Variants in SSU72 observed in about 807,000 individuals in gnomAD.
SSU72 encodes the protein RNA polymerase II subunit A C-terminal domain phosphatase SSU72.
In SSU72, 12 loss-of-function variants were observed where a neutral mutation model predicts 22.7. The ratio of observed to expected loss-of-function variants is 0.53; its 90% CI spans 0.34 to 0.86. The LOEUF is 0.86. Among genes scored for constraint, SSU72 ranks in the 40% least tolerant of loss-of-function variants. The probability of loss-of-function intolerance (pLI) is 0.02; values close to 1 mark genes in which losing one functional copy is unlikely to be tolerated. For synonymous variants in SSU72, 116 were observed against 98.3 expected, an observed-to-expected ratio of 1.18 and a Z score of -1.06; for missense variants, 151 against 249.8, an observed-to-expected ratio of 0.60 and a Z score of 2.67.
intron 2 of SSU72, among the ~76,000 whole-genome samples, chr1:1,559,104 C>G (rs538421315): frequency 6.6e-6 from 1 of 152,376 alleles, no homozygotes; most frequent in Admixed American, 6.5e-5. Flanking sequence ...CTGCTCTACT[C>G]CACGTGCCAC....
chr1:1,567,486 T>G lies in SSU72; in HGVS notation c.81-2570A>C, dbSNP rs1008296326. Among the ~76,000 whole-genome samples the G allele has an allele frequency of 5.3e-5, 8 of 152,264 alleles. 1 individual carries two copies. The highest frequency in any genetic ancestry group is 1.9e-4 in the East Asian group (1 of 5,192). ...AATTAAAATTCCTGACATTCAGTCA[T>G]AACCACAGATCCTGACGGAAACATG... On this transcript the variant is annotated intron_variant, in intron 1 of 4. Transcript: ENST00000291386.
chr1:1,547,156 C>T (rs1642400605), intron 2 of SSU72, among the ~76,000 whole-genome samples: 1 of 152,076 alleles, frequency 6.6e-6, no homozygotes, highest in Non-Finnish European at 1.5e-5. Context: ...GGTCCAGTGG[C>T]AGCTTCATGG....
At chr1:1,559,283 T>C (rs1642556341) in intron 2 of SSU72, among the ~76,000 whole-genome samples, 1 of 152,102 alleles carries the variant, frequency 6.6e-6, no homozygotes, top group Admixed American at 6.6e-5. Flanking sequence ...GGCGGACCTG[T>C]AGCACGGGAA....
chr1:1,549,915 G>A (rs1267193768), intron 2 of SSU72, among the ~76,000 whole-genome samples: 1 of 151,120 alleles, frequency 6.6e-6, no homozygotes, highest in African/African-American at 2.4e-5. Flanking sequence ...GGAGGTTGCA[G>A]TGAGCCGAGA....
intron 1 of SSU72, among the ~76,000 whole-genome samples, chr1:1,572,658 C>T (rs750545409): frequency 1.3e-5 from 2 of 150,942 alleles, no homozygotes; most frequent in South Asian, 2.1e-4. Context: ...GGGGTTTCAT[C>T]GTGTTAGCCA....
At chr1:1,567,928 A>AAAAAAAAAAAAAAAC (rs1488346836) in intron 1 of SSU72, among the ~76,000 whole-genome samples, 1 of 151,690 alleles carries the variant, frequency 6.6e-6, no homozygotes, top group African/African-American at 2.4e-5. Flanking sequence ...AAAAAAAAAA[A>AAAAAAAAAAAAAAAC]ATCGCACAAA....
intron 1 of SSU72, among the ~76,000 whole-genome samples, chr1:1,569,491 T>C (rs1345828687): frequency 6.6e-6 from 1 of 152,172 alleles, no homozygotes; most frequent in African/African-American, 2.4e-5. Flanking sequence ...GGTGAAATTG[T>C]TACTGTGTCT....
chr1:1,547,956 C>A (rs1047336780), intron 2 of SSU72, among the ~76,000 whole-genome samples: 2 of 152,202 alleles, frequency 1.3e-5, no homozygotes, highest in African/African-American at 4.8e-5. Context: ...AGAAAGAAAC[C>A]AAAGACTCAG....
intron 1 of SSU72, among the ~76,000 whole-genome samples, chr1:1,572,416 C>T (rs1642742551): frequency 6.7e-6 from 1 of 149,014 alleles, no homozygotes; most frequent in Non-Finnish European, 1.5e-5. Flanking sequence ...CTACAGACTC[C>T]CCCTCAAGAA....
chr1:1,545,785 G>C (rs1407365930), intron 2 of SSU72: 1 of 147,352 alleles, frequency 6.8e-6, no homozygotes. Context: ...AAAAGAAAAA[G>C]AAAAAAAAAC....
At chr1:1,550,115 T>C (rs994492337) in intron 2 of SSU72, among the ~76,000 whole-genome samples, 15 of 148,950 alleles carry the variant, frequency 1.0e-4, no homozygotes, top group South Asian at 8.5e-4. Context: ...GGAGGGGAGA[T>C]TGCCATGAGC....
At chr1:1,569,714 C>A (rs1257993686) in intron 1 of SSU72, among the ~76,000 whole-genome samples, 1 of 152,144 alleles carries the variant, frequency 6.6e-6, no homozygotes, top group African/African-American at 2.4e-5. Flanking sequence ...CTGTGTTGCC[C>A]AGGGCTCAAA....
intron 1 of SSU72, among the ~76,000 whole-genome samples, chr1:1,570,576 C>G (rs993194161): frequency 6.6e-6 from 1 of 151,446 alleles, no homozygotes. Context: ...GGACCCCCCC[C>G]ACCCCAAAAT....
intron 1 of SSU72, among the ~76,000 whole-genome samples, chr1:1,573,479 G>T: frequency 7.0e-6 from 1 of 142,342 alleles, no homozygotes; most frequent in South Asian, 2.2e-4. Context: ...TAAAGAGAAA[G>T]AATCAGCAGA....
At chr1:1,550,764 AG>A (rs930441409) in intron 2 of SSU72, among the ~76,000 whole-genome samples, 1 of 152,198 alleles carries the variant, frequency 6.6e-6, no homozygotes, top group Non-Finnish European at 1.5e-5. Context: ...TGCCGGAGCC[AG>A]GGACCATGGA....
intron 1 of SSU72, among the ~76,000 whole-genome samples, chr1:1,565,723 G>A (rs1340117741): frequency 2.8e-4 from 42 of 152,256 alleles, no homozygotes; most frequent in Admixed American, 1.3e-4. Context: ...TGGGTCCGAC[G>A]GTGCTTGTTC....
At chr1:1,563,600 C>CCAGCA (rs1642622528) in intron 2 of SSU72, 1 of 151,946 alleles carries the variant, frequency 6.6e-6, no homozygotes, top group Non-Finnish European at 1.5e-5. Flanking sequence ...GCCTGTAATC[C>CCAGCA]CAGCACTTTG....
chr1:1,543,807 G>A (rs550901494), intron 4 of SSU72, 62 bp downstream of exon 4: 9 of 1,386,448 alleles, frequency 6.5e-6, no homozygotes, highest in East Asian at 4.6e-5. Flanking sequence ...CCTCTGTCAC[G>A]GCCTCGGTCA....
At chr1:1,573,011 G>A (rs925249801) in intron 1 of SSU72, among the ~76,000 whole-genome samples, 3 of 151,988 alleles carry the variant, frequency 2.0e-5, no homozygotes, top group African/African-American at 7.2e-5. Flanking sequence ...ACCTTTGGCC[G>A]GATGCGGTGG....
Sources: allele counts gnomAD v4.1 joint callset (sites outside exome capture counted in the v4.1 genomes callset), GRCh38; gene constraint gnomAD v4.1.1; transcripts MANE v1.5; gene names NCBI Gene and HGNC (gene_info 2026-07-23, HGNC 2026-07-21).